The following ATXN7 variants were observed in gnomAD, a reference collection of about 807,000 sequenced individuals.
ATXN7 encodes the protein ataxin-7.
ATXN7 carries 12 observed loss-of-function variants against 70.5 expected under a neutral mutation model. The observed-to-expected ratio is 0.17, with a 90% CI of 0.11 to 0.28. ATXN7 has a LOEUF of 0.28. Ranked by LOEUF, ATXN7 falls within the 10% of genes least tolerant of loss-of-function variation. ATXN7 has a pLI of 1.00. For missense variants in ATXN7, 1,256 were observed against 1,131.7 expected (o/e 1.11, Z -1.58); for synonymous variants, 498 against 448.7 (o/e 1.11, Z -1.39).
At chr3:63,967,844 G>A (rs1306413399) in intron 5 of ATXN7, 1 of 1,528,188 alleles carries the variant, frequency 6.5e-7, no homozygotes, top group Non-Finnish European at 8.8e-7. Context: ...GGAGTTGGTG[G>A]GCAGACCCAA....
intron 1 of ATXN7, among the ~76,000 whole-genome samples, chr3:63,867,607 C>G (rs1481920995): frequency 6.6e-6 from 1 of 152,192 alleles, no homozygotes; most frequent in Non-Finnish European, 1.5e-5. Flanking sequence ...TGCCTGTAAT[C>G]CCAGCACTTT....
intron 5 of ATXN7, among the ~76,000 whole-genome samples, chr3:63,974,664 C>A (rs889458507): frequency 6.6e-6 from 1 of 152,206 alleles, no homozygotes; most frequent in Non-Finnish European, 1.5e-5. Flanking sequence ...ATGAGATAAT[C>A]CATGTAAATC....
chr3:63,950,450 GCTAT>G (rs2074934843), intron 4 of ATXN7, among the ~76,000 whole-genome samples: 1 of 152,092 alleles, frequency 6.6e-6, no homozygotes, highest in Admixed American at 6.5e-5. Context: ...TGTTTTAACT[GCTAT>G]CTAATAATAA....
Position 64,001,938 on chromosome 3 carries a change from C to T in ATXN7, c.*2471C>T, listed in dbSNP as rs1014621620. ...GACAGACTTTGGTATCAATTTAAAA[C>T]CAAGATAATTTTTATATTCTTTCCA... is the stretch of plus-strand genomic sequence containing the variant. On this transcript the variant is annotated 3_prime_UTR_variant, in exon 13 of 13. Transcript: ENST00000674280. 12 of 151,482 alleles carry T rather than the reference C, an allele frequency of 7.9e-5. No homozygotes were observed. Among genetic ancestry groups the T allele is most frequent in the African/African-American group, 2.9e-4 (12 of 41,150 alleles). The allele number at this position is 151,482 out of a possible 1,614,324, so 9.4% of individuals were successfully genotyped here.
At position 63,946,822 on chromosome 3, in the gene ATXN7, G is replaced by A. The variant is rs1375024787; in HGVS notation, c.395-5557G>A. Reference sequence around the variant, plus strand: ...AACCCCCACTTTGAAGCCAGCAGGGGTCTTCAAGTAGAGAAGTGGTATTAT... The same window carrying A: ...AACCCCCACTTTGAAGCCAGCAGGGATCTTCAAGTAGAGAAGTGGTATTAT... On this transcript the variant is annotated intron_variant, in intron 4 of 12. Coordinates refer to ENST00000674280, the MANE Select transcript of ATXN7 (RefSeq NM_001377405.1). Among the ~76,000 whole-genome samples the A allele has an allele frequency of 1.9e-4, 29 of 152,084 alleles. 1 individual carries two copies. The highest frequency in any genetic ancestry group is 1.8e-3 in the Admixed American group (28 of 15,272).
intron 1 of ATXN7, among the ~76,000 whole-genome samples, chr3:63,884,502 A>G (rs1703021698): frequency 6.6e-6 from 1 of 152,244 alleles, no homozygotes; most frequent in African/African-American, 2.4e-5. Context: ...AATATCCATG[A>G]GGCCATACTG....
chr3:63,981,015 G>A (rs1360256564), intron 6 of ATXN7, among the ~76,000 whole-genome samples: 1 of 152,196 alleles, frequency 6.6e-6, no homozygotes, highest in East Asian at 1.9e-4. Flanking sequence ...GCTTCGCCTT[G>A]TCATGGCATC....
At chr3:63,952,878 A>ATTTTTTTT (rs2074979920) in intron 5 of ATXN7, among the ~76,000 whole-genome samples, 2 of 83,288 alleles carry the variant, frequency 2.4e-5, no homozygotes, top group Non-Finnish European at 4.4e-5. Flanking sequence ...AGGAAATGTG[A>ATTTTTTTT]TTTTGAAACT....
At chr3:63,863,521 C>T, upstream of ATXN7, 2 of 1,191,136 alleles carry the variant, frequency 1.7e-6, no homozygotes, top group Non-Finnish European at 2.1e-6. Context: ...CCCCGCGCTG[C>T]CTCCGGGAGA....
chr3:63,976,189 C>T (rs926872212), intron 5 of ATXN7, among the ~76,000 whole-genome samples: 5 of 152,186 alleles, frequency 3.3e-5, no homozygotes, highest in African/African-American at 1.2e-4. Context: ...TTTTTTAGAG[C>T]TAGATGCCCA....
Position 63,990,270 on chromosome 3 carries a change from C to T in ATXN7, c.1456C>T (p.Pro486Ser), listed in dbSNP as rs765484208. 1.2e-6 allele frequency: 2 copies of T among 1,614,146 alleles called. No individual in the cohort carries two copies. The highest frequency in any genetic ancestry group is 1.7e-5 in the Admixed American group (1 of 60,036). The change falls in exon 10 of 13, where the codon CCA (proline) becomes TCA (serine). Residue 486 changes from proline to serine, a missense_variant. Transcript: ENST00000674280. Reference sequence around the variant, plus strand: ...ACACCCTCCCCTGCCTGCCACTGAGCCAGCTTCTCGGTTATCCAGTGAGGA... The same window carrying T: ...ACACCCTCCCCTGCCTGCCACTGAGTCAGCTTCTCGGTTATCCAGTGAGGA... ...SPHPPLPATE[P>S]ASRLSSEEGE...
intron 4 of ATXN7, among the ~76,000 whole-genome samples, chr3:63,951,336 A>G (rs942025865): frequency 6.6e-6 from 1 of 152,074 alleles, no homozygotes; most frequent in Non-Finnish European, 1.5e-5. Flanking sequence ...AACCACCAGG[A>G]TCTCCCCGGC....
chr3:63,972,890 G>T (rs1436468329), intron 5 of ATXN7, among the ~76,000 whole-genome samples: 3 of 152,162 alleles, frequency 2.0e-5, no homozygotes, highest in Admixed American at 1.3e-4. Context: ...AAGTCAGGAG[G>T]TGTTATTTGT....
At chr3:63,977,974 G>A (rs1025250724) in intron 5 of ATXN7, among the ~76,000 whole-genome samples, 1 of 152,240 alleles carries the variant, frequency 6.6e-6, no homozygotes, top group African/African-American at 2.4e-5. Flanking sequence ...AAGACAAGTA[G>A]TAGTGGTGAG....
Position 63,906,161 on chromosome 3 carries a change from G to A in ATXN7, c.-11-6427G>A, listed in dbSNP as rs1703830092. On this transcript the variant is annotated intron_variant, in intron 2 of 12. Transcript: ENST00000674280. ...AAAAGGAGAGCTTTACTTTGGAGGT[G>A]GAAAGGGAGTGCAAGTTTTTGTGGA... Among the ~76,000 whole-genome samples, 2 of 152,314 alleles carry A rather than the reference G, an allele frequency of 1.3e-5. 1 individual carries two copies. Among genetic ancestry groups the A allele is most frequent in the South Asian group, 4.1e-4 (2 of 4,830 alleles).
intron 2 of ATXN7, among the ~76,000 whole-genome samples, chr3:63,903,190 T>C (rs1703710132): frequency 6.6e-6 from 1 of 152,004 alleles, no homozygotes; most frequent in Non-Finnish European, 1.5e-5. Context: ...GTCAGGAGAT[T>C]GAGACTATCC....
At chr3:63,903,259 G>C (rs56293138) in intron 2 of ATXN7, among the ~76,000 whole-genome samples, 56,569 of 151,428 alleles carry the variant, frequency 0.37, 11,534 homozygotes, top group African/African-American at 0.54. Context: ...GCCGAGCTTG[G>C]GCCTGTAGTC....
chr3:63,954,693 A>AAAAGTG (rs1325495790), intron 5 of ATXN7, among the ~76,000 whole-genome samples: 1 of 151,096 alleles, frequency 6.6e-6, no homozygotes, highest in Non-Finnish European at 1.5e-5. Flanking sequence ...ACGGGTAGGA[A>AAAAGTG]AAAGTGTTTT....
At chr3:63,876,786 G>T (rs1468867731) in intron 1 of ATXN7, among the ~76,000 whole-genome samples, 1 of 152,152 alleles carries the variant, frequency 6.6e-6, no homozygotes, top group African/African-American at 2.4e-5. Flanking sequence ...AGACTGGAAA[G>T]TTTTTATTTG....
Sources: gnomAD v4.1 joint callset for allele counts (sites outside exome capture counted in the v4.1 genomes callset) on GRCh38, gnomAD v4.1.1 for gene constraint, MANE v1.5 for transcripts, NCBI Gene and HGNC (gene_info 2026-07-23, HGNC 2026-07-21) for gene names.